PGGT1B: variants seen among roughly 807,000 people sequenced by gnomAD.
PGGT1B encodes the protein protein geranylgeranyltransferase type I subunit beta.
Under a neutral mutation model 46.1 loss-of-function variants are expected in PGGT1B, and 30 were observed. That is an observed-to-expected ratio of 0.65 (90% CI 0.49 to 0.88). The LOEUF (loss-of-function observed/expected upper bound fraction) is 0.88, where lower values mean the gene tolerates loss of function less well. Ranked by LOEUF, PGGT1B falls within the 40% of genes least tolerant of loss-of-function variation. The pLI is 0.00. For missense variants in PGGT1B, 376 were observed against 455.9 expected, an observed-to-expected ratio of 0.82 and a Z score of 1.60; for synonymous variants, 170 against 160.0, an observed-to-expected ratio of 1.06 and a Z score of -0.47.
Position 115,205,021 on chromosome 5 carries a change from C to A in PGGT1B, c.*7381G>T, listed in dbSNP as rs962648318. The A allele has an allele frequency of 6.6e-6, 1 of 152,080 alleles. No homozygotes were observed. Among genetic ancestry groups the A allele is most frequent in the African/African-American group, 2.4e-5 (1 of 41,406 alleles). 9.4% of individuals were successfully genotyped at this position (152,080 alleles called of 1,614,324 possible). On this transcript the variant is annotated 3_prime_UTR_variant, in exon 9 of 9. Coordinates refer to ENST00000419445, the MANE Select transcript of PGGT1B (RefSeq NM_005023.4). ...AAACTTAAATGACAAGATGAAAATC[C>A]ATTAACAGGCTAGCATACTACTTAG...
In PGGT1B at chr5:115,241,591, C is replaced by T. The variant is rs771527463; in HGVS notation, c.275G>A (p.Arg92His). 19 of 1,607,114 alleles carry T rather than the reference C, an allele frequency of 1.2e-5. No individual in the cohort carries two copies. In the Admixed American group the frequency reaches 1.4e-4, roughly 11 times the overall value. ...LPTEDRSNLNRCGFRGSSYLG... is the reference protein window; with the variant it reads ...LPTEDRSNLNHCGFRGSSYLG... Reference sequence around the variant, plus strand: ...GTATGAAGAGCCTCGGAAACCACAGCGATTTAGATTTGATCCTAGAAAATA... The same window carrying T: ...GTATGAAGAGCCTCGGAAACCACAGTGATTTAGATTTGATCCTAGAAAATA... The change falls in exon 3 of 9, where the codon CGC (arginine) becomes CAC (histidine). Residue 92 changes from arginine (R) to histidine (H), a missense_variant. Coordinates refer to ENST00000419445, the MANE Select transcript of PGGT1B (RefSeq NM_005023.4).
intron 8 of PGGT1B, 30 bp downstream of exon 8, chr5:115,216,835 G>T: frequency 9.4e-7 from 1 of 1,065,870 alleles, no homozygotes. Flanking sequence ...GGAAATAAAG[G>T]TTGTTCTGAT....
chr5:115,262,554 G>A (rs753812774), intron 1 of PGGT1B, 158 bp downstream of exon 1: 3 of 747,062 alleles, frequency 4.0e-6, no homozygotes, highest in Middle Eastern at 7.3e-4. Flanking sequence ...CGTACGGCGG[G>A]AGAGTGGGGG....
intron 2 of PGGT1B, among the ~76,000 whole-genome samples, chr5:115,252,470 G>C (rs2127028692): frequency 6.6e-6 from 1 of 151,886 alleles, no homozygotes; most frequent in East Asian, 1.9e-4. Context: ...GATTTTCTAG[G>C]AGTTTGTTTG....
chr5:115,224,789 C>T (rs570013313), intron 6 of PGGT1B, among the ~76,000 whole-genome samples: 1 of 149,920 alleles, frequency 6.7e-6, no homozygotes, highest in East Asian at 1.9e-4. Flanking sequence ...TAGGACGATC[C>T]CTTGACTGCA....
chr5:115,248,085 G>A (rs1037762742), intron 2 of PGGT1B, among the ~76,000 whole-genome samples: 9 of 152,040 alleles, frequency 5.9e-5, no homozygotes, highest in Admixed American at 3.9e-4. Flanking sequence ...CTAAAAAAAT[G>A]AAAGCATTAA....
rs989662717 is a variant in PGGT1B, at chr5:115,211,053, A to G, written c.*1349T>C. On this transcript the variant is annotated 3_prime_UTR_variant, in exon 9 of 9. Coordinates refer to ENST00000419445, the MANE Select transcript of PGGT1B (RefSeq NM_005023.4). ...TAACATTTAAAGTATTACAATGCCT[A>G]AACAGTGATACCAGTAATCCAGTTT... The G allele has an allele frequency of 2.0e-5, 3 of 152,108 alleles. No individual in the cohort carries two copies. Among genetic ancestry groups the G allele is most frequent in the African/African-American group, 7.2e-5 (3 of 41,448 alleles). The allele number at this position is 152,108 out of a possible 1,614,324, so 9.4% of individuals were successfully genotyped here.
intron 7 of PGGT1B, among the ~76,000 whole-genome samples, chr5:115,220,451 G>A (rs771383295): frequency 1.3e-5 from 2 of 151,826 alleles, no homozygotes; most frequent in Non-Finnish European, 3.0e-5. Context: ...TGAGGGGAAA[G>A]AAGAATAGGG....
At chr5:115,236,014 G>C (rs1231769799) in intron 5 of PGGT1B, among the ~76,000 whole-genome samples, 2 of 152,096 alleles carry the variant, frequency 1.3e-5, no homozygotes, top group Non-Finnish European at 1.5e-5. Context: ...CCAATAAAAA[G>C]ATGAGAGAAA....
At chr5:115,262,513 C>T (rs1748605265) in intron 1 of PGGT1B, 199 bp downstream of exon 1, 2 of 598,490 alleles carry the variant, frequency 3.3e-6, no homozygotes. Flanking sequence ...ATGCCACAGC[C>T]CTCGACCTAC....
chr5:115,244,311 A>G (rs553366405), intron 2 of PGGT1B, among the ~76,000 whole-genome samples: 1 of 151,200 alleles, frequency 6.6e-6, no homozygotes, highest in Admixed American at 6.6e-5. Context: ...TAAAAATACA[A>G]AAAATTAGCT....
rs1444767630 is a variant in PGGT1B at position 115,211,785 on chromosome 5, T to C, written c.*617A>G. On this transcript the variant is annotated 3_prime_UTR_variant, in exon 9 of 9. Transcript: ENST00000419445. ...TAGTTGTCTTCAAACAATCTCCTTT[T>C]AGAAAACTATCACATTAGTTAAACC... 2 of 152,244 alleles carry C rather than the reference T, an allele frequency of 1.3e-5. No homozygotes were observed. The highest frequency in any genetic ancestry group is 2.9e-5 in the Non-Finnish European group (2 of 68,040). The allele number at this position is 152,244 out of a possible 1,614,324, so 9.4% of individuals were successfully genotyped here. A position where few individuals can be genotyped will look rare whatever the true frequency, so the allele number is the denominator to read the frequency against.
At chr5:115,224,894 A>G (rs1262635298) in intron 6 of PGGT1B, among the ~76,000 whole-genome samples, 1 of 151,996 alleles carries the variant, frequency 6.6e-6, no homozygotes, top group Non-Finnish European at 1.5e-5. Flanking sequence ...ACATAAAAAC[A>G]GGAAGAAAAG....
chr5:115,213,534 G>A (rs190353502), intron 8 of PGGT1B, among the ~76,000 whole-genome samples: 1 of 152,306 alleles, frequency 6.6e-6, no homozygotes, highest in Non-Finnish European at 1.5e-5. Flanking sequence ...ACTTTGGGAG[G>A]CCGAGAAGGG....
At position 115,236,864 on chromosome 5, in the gene PGGT1B, A is replaced by ATTTT. The variant is rs1400081847; in HGVS notation, c.480-343_480-342insAAAA. ...ATACTGGCTTGAGAATGGCAGAAAAAGTAAAAGGTAAAACCTGAGACCTAC... is the reference window on the plus strand; with the variant it reads ...ATACTGGCTTGAGAATGGCAGAAAAATTTTGTAAAAGGTAAAACCTGAGACCTAC... On this transcript the variant is annotated intron_variant, in intron 4 of 8. Transcript: ENST00000419445. 1.4e-4 allele frequency among the ~76,000 whole-genome samples: 22 copies of ATTTT among 152,316 alleles called. No homozygotes were observed. In the East Asian group the frequency reaches 2.9e-3, roughly 20 times the overall value.
At position 115,216,847 on chromosome 5, in the gene PGGT1B, C is replaced by G; in HGVS notation, c.952+18G>C. On this transcript the variant is annotated intron_variant, in intron 8 of 8. Transcript: ENST00000419445. ...TCAGGAAATAAAGGTTGTTCTGATT[C>G]ACAAAGAAAATAATTACCTGGATGA... is the stretch of plus-strand genomic sequence containing the variant. 7.9e-7 allele frequency: 1 copy of G among 1,268,550 alleles called. No individual in the cohort carries two copies. The highest frequency in any genetic ancestry group is 1.2e-6 in the Non-Finnish European group (1 of 869,134). 78.6% of individuals were successfully genotyped at this position (1,268,550 alleles called of 1,614,324 possible).
Position 115,262,786 on chromosome 5 carries a change from C to T in PGGT1B, c.66G>A (p.Arg22=). The change falls in exon 1 of 9, where the codon CGG becomes CGA. Residue 22 remains arginine (R), a synonymous_variant. Coordinates refer to ENST00000419445, the MANE Select transcript of PGGT1B (RefSeq NM_005023.4). ...GCTGGAAAAATCGCACGTGCCGATC[C>T]CGTAAGAAATCCAGCCGCTCTCCCT... ...SGEGERLDFL[R]DRHVRFFQRC... The T allele has an allele frequency of 6.2e-7, 1 of 1,613,438 alleles. No homozygotes were observed. Among genetic ancestry groups the T allele is most frequent in the Non-Finnish European group, 8.5e-7 (1 of 1,179,882 alleles).
intron 3 of PGGT1B, 146 bp downstream of exon 3, chr5:115,241,393 G>A (rs1380447004): frequency 1.4e-5 from 6 of 427,992 alleles, no homozygotes; most frequent in Non-Finnish European, 2.1e-5. Context: ...AAGGATTTCA[G>A]TTTATAATAT....
At chr5:115,259,757 A>G (rs75997683) in intron 1 of PGGT1B, among the ~76,000 whole-genome samples, 4,627 of 151,576 alleles carry the variant, frequency 0.031, 134 homozygotes, top group Middle Eastern at 0.085. Flanking sequence ...AATGGGAGGC[A>G]GGAGAGAGGT....
Sources: gnomAD v4.1 joint callset for allele counts (sites outside exome capture counted in the v4.1 genomes callset) on GRCh38, gnomAD v4.1.1 for gene constraint, MANE v1.5 for transcripts, NCBI Gene and HGNC (gene_info 2026-07-23, HGNC 2026-07-21) for gene names.